CAMK2D: variants seen among roughly 807,000 people sequenced by gnomAD.
CAMK2D encodes calcium/calmodulin-dependent protein kinase type II subunit delta.
CAMK2D carries 37 observed loss-of-function variants against 84.0 expected under a neutral mutation model. That is an observed-to-expected ratio of 0.44 (90% CI 0.34 to 0.58). CAMK2D has a LOEUF of 0.58. Ranked by LOEUF, CAMK2D falls within the 20% of genes least tolerant of loss-of-function variation. The pLI is 0.02. For missense variants in CAMK2D, 448 were observed against 652.5 expected (o/e 0.69, Z 3.41); for synonymous variants, 202 against 212.5 (o/e 0.95, Z 0.43).
intron 2 of CAMK2D, among the ~76,000 whole-genome samples, chr4:113,719,329 C>G (rs990183796): frequency 2.6e-5 from 4 of 152,164 alleles, no homozygotes; most frequent in Non-Finnish European, 5.9e-5. Flanking sequence ...GGTAAGTCCC[C>G]TCTGCTTTAA....
chr4:113,761,135 C>G lies in CAMK2D; in HGVS notation c.-67G>C. On this transcript the variant is annotated 5_prime_UTR_variant, in exon 1 of 21. Transcript: ENST00000511664. Reference sequence around the variant, plus strand: ...AGAAGCGAGCAGACGCGCGGCTAACCCCGGGACTGGCCCCGCGGCGCTGTC... The same window carrying G: ...AGAAGCGAGCAGACGCGCGGCTAACGCCGGGACTGGCCCCGCGGCGCTGTC... The G allele has an allele frequency of 6.2e-7, 1 of 1,609,358 alleles. No homozygotes were observed. The highest frequency in any genetic ancestry group is 8.5e-7 in the Non-Finnish European group (1 of 1,179,564).
chr4:113,607,867 T>C (rs1244890678), intron 4 of CAMK2D, among the ~76,000 whole-genome samples: 1 of 152,188 alleles, frequency 6.6e-6, no homozygotes, highest in African/African-American at 2.4e-5. Flanking sequence ...CACAATTTAG[T>C]TCTGAACTGG....
At chr4:113,720,365 C>T (rs1311272516) in intron 2 of CAMK2D, among the ~76,000 whole-genome samples, 1 of 109,310 alleles carries the variant, frequency 9.1e-6, no homozygotes, top group Admixed American at 1.0e-4. Context: ...CAATCACATT[C>T]TCACACACAC....
intron 16 of CAMK2D, among the ~76,000 whole-genome samples, chr4:113,485,738 T>G (rs908541158): frequency 6.6e-6 from 1 of 152,184 alleles, no homozygotes; most frequent in Non-Finnish European, 1.5e-5. Context: ...TCTCATCTCT[T>G]AATATTAGAT....
At chr4:113,456,452 T>C (rs577722863) in intron 19 of CAMK2D, among the ~76,000 whole-genome samples, 4 of 152,220 alleles carry the variant, frequency 2.6e-5, no homozygotes, top group Non-Finnish European at 5.9e-5. Flanking sequence ...TAATGTTCTA[T>C]CATATTAAAC....
intron 2 of CAMK2D, among the ~76,000 whole-genome samples, chr4:113,702,996 C>A (rs1470181525): frequency 6.6e-6 from 1 of 152,094 alleles, no homozygotes; most frequent in Non-Finnish European, 1.5e-5. Context: ...AGACTAGACA[C>A]ATTTCATTTT....
intron 12 of CAMK2D, 21 bp from the exon 13 acceptor site, chr4:113,509,696 C>G (rs1193839841): frequency 1.9e-6 from 3 of 1,587,828 alleles, no homozygotes; most frequent in South Asian, 2.2e-5. Flanking sequence ...AGAGTAAAAT[C>G]AGTTTAGTGA....
At chr4:113,621,696 G>A (rs1334263403) in intron 3 of CAMK2D, among the ~76,000 whole-genome samples, 4 of 152,090 alleles carry the variant, frequency 2.6e-5, no homozygotes, top group Non-Finnish European at 5.9e-5. Flanking sequence ...CTATTTGCTG[G>A]GGATATAACT....
intron 4 of CAMK2D, among the ~76,000 whole-genome samples, chr4:113,601,349 C>T (rs907668267): frequency 6.6e-6 from 1 of 151,890 alleles, no homozygotes; most frequent in African/African-American, 2.4e-5. Flanking sequence ...AGTGTTCTTC[C>T]TTAAAAAATA....
chr4:113,605,093 C>A (rs537062997), intron 4 of CAMK2D, among the ~76,000 whole-genome samples: 2 of 152,282 alleles, frequency 1.3e-5, no homozygotes, highest in East Asian at 3.9e-4. Flanking sequence ...ATAAATTTCC[C>A]TTTAAGGAAG....
chr4:113,699,494 C>T (rs1243845874), intron 2 of CAMK2D, among the ~76,000 whole-genome samples: 2 of 152,230 alleles, frequency 1.3e-5, no homozygotes, highest in African/African-American at 4.8e-5. Context: ...GAGGACACTA[C>T]CACGTTTCTA....
chr4:113,515,216 AG>A (rs778591924), intron 9 of CAMK2D, 25 bp from the exon 10 acceptor site: 1 of 1,551,812 alleles, frequency 6.4e-7, no homozygotes, highest in Non-Finnish European at 8.7e-7. Flanking sequence ...ATTTATAAAA[AG>A]TTTAAAAAAT....
At chr4:113,505,130 G>T in intron 13 of CAMK2D, 95 bp from the exon 14 acceptor site, 1 of 577,398 alleles carries the variant, frequency 1.7e-6, no homozygotes, top group East Asian at 3.3e-5. Context: ...ATGTAGACAT[G>T]AAGATAAAGA....
chr4:113,478,336 C>T (rs891237727), intron 16 of CAMK2D, among the ~76,000 whole-genome samples: 1 of 152,238 alleles, frequency 6.6e-6, no homozygotes, highest in African/African-American at 2.4e-5. Context: ...AGAATACCAA[C>T]TCAGGTACAG....
intron 2 of CAMK2D, among the ~76,000 whole-genome samples, chr4:113,745,769 G>T (rs1406088032): frequency 6.6e-6 from 1 of 152,142 alleles, no homozygotes; most frequent in East Asian, 1.9e-4. Context: ...ATAGGAATAG[G>T]ATTTCTGACC....
intron 3 of CAMK2D, among the ~76,000 whole-genome samples, chr4:113,626,780 TA>T (rs2099069976): frequency 6.6e-6 from 1 of 152,188 alleles, no homozygotes; most frequent in Non-Finnish European, 1.5e-5. Context: ...CACCAGCATC[TA>T]ACTTTAAACA....
At position 113,565,371 on chromosome 4, in the gene CAMK2D, C is replaced by T. The variant is rs116290329; in HGVS notation, c.276-13275G>A. On this transcript the variant is annotated intron_variant, in intron 4 of 20. Coordinates refer to ENST00000511664, the MANE Select transcript of CAMK2D (RefSeq NM_001321571.2). ...TTTCACGCAGAAGTCAAAAAAAAGG[C>T]TGGCCATGGTGGCTCACGCCTGTAA... Among the ~76,000 whole-genome samples the T allele has an allele frequency of 3.3e-3, 505 of 152,272 alleles. 2 individuals are homozygous for T. Among genetic ancestry groups the T allele is most frequent in the African/African-American group, 0.012 (489 of 41,550 alleles).
intron 12 of CAMK2D, among the ~76,000 whole-genome samples, chr4:113,510,573 A>G (rs762940345): frequency 4.2e-4 from 64 of 151,160 alleles, no homozygotes; most frequent in Admixed American, 1.3e-3. Context: ...TACACAGTGA[A>G]GAGATAATAT....
rs1049884211 is a variant in CAMK2D, at chr4:113,620,967, G to A, written c.221-11761C>T. On this transcript the variant is annotated intron_variant, in intron 3 of 20. Transcript: ENST00000511664. ...TTTTTTGGAGACAGAGTCTTGCTCT[G>A]TTACCCAGGCTGGAGTGCAGTGGTG... 2.0e-4 allele frequency among the ~76,000 whole-genome samples: 31 copies of A among 151,664 alleles called. 1 individual carries two copies. The highest frequency in any genetic ancestry group is 7.5e-4 in the African/African-American group (31 of 41,240).
Sources: allele counts gnomAD v4.1 joint callset (sites outside exome capture counted in the v4.1 genomes callset), GRCh38; gene constraint gnomAD v4.1.1; transcripts MANE v1.5; gene names NCBI Gene and HGNC (gene_info 2026-07-23, HGNC 2026-07-21).